The following EXOSC4 variants were observed in gnomAD, a reference collection of about 807,000 sequenced individuals.
EXOSC4 encodes the protein exosome complex component RRP41.
A neutral mutation model predicts 20.0 loss-of-function variants in EXOSC4; 14 were observed. The ratio of observed to expected loss-of-function variants is 0.70; its 90% CI spans 0.46 to 1.09. The LOEUF (loss-of-function observed/expected upper bound fraction) is 1.09, where lower values mean the gene tolerates loss of function less well. Among genes scored for constraint, EXOSC4 ranks in the 50% least tolerant of loss-of-function variants. EXOSC4 has a pLI of 0.00. For synonymous variants in EXOSC4, 148 were observed against 146.4 expected (o/e 1.01, Z -0.08); for missense variants, 337 against 334.0 (o/e 1.01, Z -0.07).
At chr8:144,071,846 G>A in the EXOSC4 span, among the ~76,000 whole-genome samples, 4 of 151,980 alleles carry the variant, frequency 2.6e-5, no homozygotes, top group Non-Finnish European at 4.4e-5. Context: ...TGGGGGTGGT[G>A]GCATGCACCT....
At chr8:144,065,143 C>A in the EXOSC4 span, among the ~76,000 whole-genome samples, 1 of 152,142 alleles carries the variant, frequency 6.6e-6, no homozygotes, top group South Asian at 2.1e-4. Flanking sequence ...CCGCGCCCAG[C>A]CTCCAATCTG....
chr8:144,073,496 T>C, the EXOSC4 span, among the ~76,000 whole-genome samples: 7 of 152,022 alleles, frequency 4.6e-5, no homozygotes, highest in African/African-American at 1.7e-4. Flanking sequence ...TGCCAACAGC[T>C]CCTCCACCAG....
chr8:144,079,842 T>G, intron 1 of EXOSC4, 101 bp from the exon 2 acceptor site: 1 of 1,152,622 alleles, frequency 8.7e-7, no homozygotes. Context: ...CAGTTGCCCC[T>G]TGCTGAGGCA....
upstream of EXOSC4, among the ~76,000 whole-genome samples, chr8:144,074,094 C>T (rs539925762): frequency 4.0e-4 from 61 of 152,338 alleles, no homozygotes; most frequent in African/African-American, 1.3e-3. Context: ...CCAGGAATCT[C>T]GGGGATCAGT....
At chr8:144,068,649 C>T in the EXOSC4 span, among the ~76,000 whole-genome samples, 1 of 152,234 alleles carries the variant, frequency 6.6e-6, no homozygotes, top group Non-Finnish European at 1.5e-5. Flanking sequence ...AGCATTTATT[C>T]AAGAAGATCT....
At chr8:144,066,316 GC>G in the EXOSC4 span, among the ~76,000 whole-genome samples, 3 of 151,540 alleles carry the variant, frequency 2.0e-5, no homozygotes, top group African/African-American at 7.3e-5. Flanking sequence ...ACTGCACCTG[GC>G]CCGGGGTCTC....
chr8:144,073,794 T>A (rs1159291016), upstream of EXOSC4, among the ~76,000 whole-genome samples: 1 of 151,622 alleles, frequency 6.6e-6, no homozygotes, highest in Non-Finnish European at 1.5e-5. Context: ...GAGGTTGCAG[T>A]GAGCCAAGAT....
chr8:144,071,717 C>T, the EXOSC4 span, among the ~76,000 whole-genome samples: 1 of 151,938 alleles, frequency 6.6e-6, no homozygotes, highest in African/African-American at 2.4e-5. Context: ...TGGCTTATGC[C>T]TGTGATCCCA....
rs1564302734 is a variant in EXOSC4, at chr8:144,080,582, C to CT, written c.720dup (p.Ile241TyrfsTer?). The CT allele has an allele frequency of 2.5e-6, 4 of 1,598,628 alleles. No homozygotes were observed. The highest frequency in any genetic ancestry group is 3.4e-6 in the Non-Finnish European group (4 of 1,179,518). ...GTCCGGCAGCATGTGCGTGAGGCCT[C>CT]TATCTTGCTGGGGGACTGACCACCC... On this transcript the variant is annotated frameshift_variant, in exon 3 of 3. Transcript: ENST00000316052. LOFTEE classifies it high-confidence loss of function. This position sits in a 1 kb window ranked among gnomAD's most constrained non-coding sequence, Gnocchi z 4.9.
At chr8:144,069,723 T>C in the EXOSC4 span, among the ~76,000 whole-genome samples, 1 of 152,268 alleles carries the variant, frequency 6.6e-6, no homozygotes, top group Non-Finnish European at 1.5e-5. Context: ...CCACGCTTGC[T>C]GAATGCGGAG....
Position 144,080,008 on chromosome 8 carries a change from G to C in EXOSC4, c.237G>C (p.Ala79=). 1 of 1,614,074 alleles carries C rather than the reference G, an allele frequency of 6.2e-7. No homozygotes were observed. Among genetic ancestry groups the C allele is most frequent in the South Asian group, 1.1e-5 (1 of 91,072 alleles). The change falls in exon 2 of 3, where the codon GCG becomes GCC. Residue 79 remains alanine (A), a synonymous_variant. Transcript: ENST00000316052. This position sits in a 1 kb window ranked among gnomAD's most constrained non-coding sequence, Gnocchi z 4.9. ...RALVNCQYSS[A]TFSTGERKRR... ...TAGTGAACTGTCAATATAGTTCAGC[G>C]ACCTTCAGCACAGGTGAGCGCAAGC... is the stretch of plus-strand genomic sequence containing the variant.
chr8:144,075,153 C>T (rs1159943607), upstream of EXOSC4, among the ~76,000 whole-genome samples: 2 of 152,108 alleles, frequency 1.3e-5, no homozygotes, highest in Non-Finnish European at 2.9e-5. Context: ...GCCTTGACCT[C>T]CTGGGCTCAA....
At chr8:144,072,476 C>G in the EXOSC4 span, among the ~76,000 whole-genome samples, 1 of 152,078 alleles carries the variant, frequency 6.6e-6, no homozygotes, top group East Asian at 1.9e-4. Context: ...CCACCGCGCC[C>G]GACCTACAAT....
At chr8:144,076,953 C>T (rs1835840949), upstream of EXOSC4, among the ~76,000 whole-genome samples, 1 of 152,142 alleles carries the variant, frequency 6.6e-6, no homozygotes, top group Non-Finnish European at 1.5e-5. Context: ...TGCCTGTAAT[C>T]CCAGCTACCT....
chr8:144,068,719 G>C, the EXOSC4 span, among the ~76,000 whole-genome samples: 7 of 152,212 alleles, frequency 4.6e-5, no homozygotes, highest in South Asian at 2.1e-4. Context: ...TGCTTCCCCC[G>C]GTCCCTGGCT....
Position 144,080,527 on chromosome 8 carries a change from C to T in EXOSC4, c.664C>T (p.Arg222Ter), listed in dbSNP as rs1021824104. 21 of 1,603,130 alleles carry T rather than the reference C, an allele frequency of 1.3e-5. No homozygotes were observed. Among genetic ancestry groups the T allele is most frequent in the African/African-American group, 5.3e-5 (4 of 74,864 alleles). Reference sequence around the variant, plus strand: ...GTTGGAGGCTGCTGCCCAGGCTGCCCGAGATGTGCACACCCTCTTAGATCG... The same window carrying T: ...GTTGGAGGCTGCTGCCCAGGCTGCCTGAGATGTGCACACCCTCTTAGATCG... ...RVLEAAAQAA[R>*]DVHTLLDRVV... Residue 222 changes from arginine (R) to a stop codon, truncating the protein, a stop_gained, in exon 3 of 3, where the codon CGA becomes TGA. Coordinates refer to ENST00000316052, the MANE Select transcript of EXOSC4 (RefSeq NM_019037.3). LOFTEE classifies it high-confidence loss of function. The surrounding 1 kb of genome is among the most constrained non-coding windows in gnomAD (Gnocchi z 4.9).
At chr8:144,068,116 T>A in the EXOSC4 span, among the ~76,000 whole-genome samples, 1 of 152,206 alleles carries the variant, frequency 6.6e-6, no homozygotes, top group Non-Finnish European at 1.5e-5. Context: ...AATGCCACCA[T>A]TTTTTGAACA....
chr8:144,080,464 A>AT lies in EXOSC4; in HGVS notation c.602dup (p.Met201IlefsTer38). ...CTCAGGACAGATTGCGCTGCTTGAG[A>AT]TGGATGCCCGGCTGCACGAGGACCA... On this transcript the variant is annotated frameshift_variant, in exon 3 of 3. Transcript: ENST00000316052. LOFTEE classifies it high-confidence loss of function. This position sits in a 1 kb window ranked among gnomAD's most constrained non-coding sequence, Gnocchi z 4.9. 6.2e-7 allele frequency: 1 copy of AT among 1,609,062 alleles called. No homozygotes were observed. The highest frequency in any genetic ancestry group is 8.5e-7 in the Non-Finnish European group (1 of 1,179,992).
At position 144,078,679 on chromosome 8, in the gene EXOSC4, TC is replaced by T; in HGVS notation, c.-47del. On this transcript the variant is annotated 5_prime_UTR_variant, in exon 1 of 3. Coordinates refer to ENST00000316052, the MANE Select transcript of EXOSC4 (RefSeq NM_019037.3). This position sits in a 1 kb window ranked among gnomAD's most constrained non-coding sequence, Gnocchi z 4.7. ...TCGGAGCCGCCGGGAGCTGTAGTTC[TC>T]CCGCGGCTCAGAGAAGTAGGCAGAG... 7.4e-7 allele frequency: 1 copy of T among 1,349,852 alleles called. No homozygotes were observed. The highest frequency in any genetic ancestry group is 9.6e-7 in the Non-Finnish European group (1 of 1,044,484). The allele number at this position is 1,349,852 out of a possible 1,614,324, so 83.6% of individuals were successfully genotyped here. A position where few individuals can be genotyped will look rare whatever the true frequency, so the allele number is the denominator to read the frequency against.
Sources: allele counts gnomAD v4.1 joint callset (sites outside exome capture counted in the v4.1 genomes callset), GRCh38; gene constraint gnomAD v4.1.1; non-coding constraint Gnocchi (gnomAD v3.1); transcripts MANE v1.5; gene names NCBI Gene and HGNC (gene_info 2026-07-23, HGNC 2026-07-21).